The following CNOT2 variants were observed in gnomAD, a reference collection of about 807,000 sequenced individuals.
CNOT2 encodes the protein CCR4-NOT transcription complex subunit 2, also known as CC chemokine receptor 4-negative regulator of transcription 2.
Under a neutral mutation model 72.1 loss-of-function variants are expected in CNOT2, and 7 were observed. That is an observed-to-expected ratio of 0.10 (90% CI 0.06 to 0.18). The LOEUF (loss-of-function observed/expected upper bound fraction) is 0.18, where lower values mean the gene tolerates loss of function less well. Among genes scored for constraint, CNOT2 ranks in the 10% least tolerant of loss-of-function variants. The pLI, the probability that CNOT2 is intolerant of heterozygous loss-of-function variation, is 1.00. For missense variants in CNOT2, 345 were observed against 660.3 expected, an observed-to-expected ratio of 0.52 and a Z score of 5.23; for synonymous variants, 196 against 225.6, an observed-to-expected ratio of 0.87 and a Z score of 1.17.
intron 2 of CNOT2, among the ~76,000 whole-genome samples, chr12:70,304,012 T>G (rs956032155): frequency 3.3e-5 from 5 of 152,228 alleles, no homozygotes; most frequent in African/African-American, 1.2e-4. Context: ...TACTGAGGCT[T>G]GTGCATTCGT....
In CNOT2 at chr12:70,310,952, G is replaced by A; in HGVS notation, c.106G>A (p.Asp36Asn). ...GAAGTTTGTAGAGGGGGTCGACAGT[G>A]ACTACCATGACGAAAACATGTACTA... is the stretch of plus-strand genomic sequence containing the variant. Reference protein sequence around the residue: ...RKKFVEGVDSDYHDENMYYSQ... With the variant: ...RKKFVEGVDSNYHDENMYYSQ... Residue 36 changes from aspartate to asparagine, a missense_variant, in exon 3 of 16, where the codon GAC becomes AAC. Physicochemically the swap from Asp to Asn is conservative, Grantham distance 23. Around this residue, in one of 4 missense-constraint regions of CNOT2, gnomAD observed 157 missense variants for 235.3 expected, o/e 0.67. Coordinates refer to ENST00000229195, the MANE Select transcript of CNOT2 (RefSeq NM_014515.7). 1 of 1,608,518 alleles carries A rather than the reference G, an allele frequency of 6.2e-7. No individual in the cohort carries two copies. The highest frequency in any genetic ancestry group is 8.5e-7 in the Non-Finnish European group (1 of 1,175,366).
At chr12:70,322,546 TAGCAAAATATCTG>T (rs547958154) in intron 4 of CNOT2, 125 of 151,860 alleles carry the variant, frequency 8.2e-4, no homozygotes, top group African/African-American at 2.8e-3. Context: ...GCACCTAGCT[TAGCAAAATATCTG>T]GGTGAATTCA....
intron 13 of CNOT2, 89 bp from the exon 14 acceptor site, chr12:70,344,039 C>G (rs867164005): frequency 1.4e-6 from 1 of 735,316 alleles, no homozygotes; most frequent in Non-Finnish European, 2.2e-6. Context: ...TTCTGTTTAT[C>G]TCTCCATTTT....
chr12:70,303,289 TTGA>T (rs1347207386), intron 2 of CNOT2, among the ~76,000 whole-genome samples: 2 of 152,210 alleles, frequency 1.3e-5, no homozygotes. Context: ...TGCTCGTTAG[TTGA>T]TGCAGTTTCT....
intron 3 of CNOT2, 106 bp downstream of exon 3, chr12:70,311,123 A>G (rs772954450): frequency 2.0e-5 from 15 of 763,884 alleles, no homozygotes; most frequent in East Asian, 5.0e-5. Context: ...TTGAGTGACA[A>G]TCTTTTCAGC....
At chr12:70,267,325 G>A (rs1033470074) in intron 1 of CNOT2, among the ~76,000 whole-genome samples, 7 of 152,102 alleles carry the variant, frequency 4.6e-5, no homozygotes, top group South Asian at 4.1e-4. Context: ...GCCAGCAATC[G>A]TGTTCCTTGG....
At chr12:70,280,311 A>T (rs932753625) in intron 2 of CNOT2, among the ~76,000 whole-genome samples, 2 of 152,170 alleles carry the variant, frequency 1.3e-5, no homozygotes, top group African/African-American at 4.8e-5. Flanking sequence ...AAAAGAGAAA[A>T]GGGACATAGA....
chr12:70,257,611 C>T lies in CNOT2; in HGVS notation c.-96+14131C>T, dbSNP rs534446023. 9.9e-5 allele frequency among the ~76,000 whole-genome samples: 15 copies of T among 152,086 alleles called. No homozygotes were observed. In the South Asian group the frequency reaches 3.1e-3, roughly 32 times the overall value. On this transcript the variant is annotated intron_variant, in intron 1 of 15. Transcript: ENST00000229195. ...CTCGATCTCCTGACCTCGTGAGCCA[C>T]CTGCCTCGGCCTCCCAAAGTGCTGG... is the stretch of plus-strand genomic sequence containing the variant.
rs538385702 is a variant in CNOT2 at position 70,277,212 on chromosome 12, A to G, written c.-95-920A>G. Among the ~76,000 whole-genome samples the G allele has an allele frequency of 1.1e-3, 165 of 152,298 alleles. 2 individuals carry two copies. In the Middle Eastern group the frequency reaches 0.02, roughly 19 times the overall value. The stretch of plus-strand genomic sequence containing the variant: ...TACTTCCTTAGGGAGAATGCTTAAC[A>G]AAACTTAGGTAAGAGATATCTGTCT... On this transcript the variant is annotated intron_variant, in intron 1 of 15. Transcript: ENST00000229195.
At chr12:70,282,182 T>C (rs749655006) in intron 2 of CNOT2, among the ~76,000 whole-genome samples, 9 of 152,130 alleles carry the variant, frequency 5.9e-5, no homozygotes, top group Admixed American at 3.3e-4. Flanking sequence ...AACATACCAG[T>C]GTAAGTGGTA....
intron 3 of CNOT2, among the ~76,000 whole-genome samples, chr12:70,316,270 A>G (rs1251338033): frequency 6.6e-6 from 1 of 152,148 alleles, no homozygotes; most frequent in Non-Finnish European, 1.5e-5. Context: ...ATTTACCTTT[A>G]TATTATTAAC....
intron 2 of CNOT2, among the ~76,000 whole-genome samples, chr12:70,297,004 T>C (rs1419275538): frequency 6.6e-6 from 1 of 152,176 alleles, no homozygotes; most frequent in Non-Finnish European, 1.5e-5. Flanking sequence ...AAAGGGCAAT[T>C]ATAAAAACGC....
intron 2 of CNOT2, among the ~76,000 whole-genome samples, chr12:70,296,744 G>T (rs1872861816): frequency 2.8e-5 from 4 of 142,808 alleles, no homozygotes. Flanking sequence ...GTGCCTTTCT[G>T]TCCTTTATTT....
intron 1 of CNOT2, among the ~76,000 whole-genome samples, chr12:70,254,848 G>A (rs1333344958): frequency 1.3e-5 from 2 of 152,004 alleles, no homozygotes; most frequent in Admixed American, 6.6e-5. Flanking sequence ...AGGCATGGTG[G>A]CACGTGTCTC....
intron 4 of CNOT2, among the ~76,000 whole-genome samples, chr12:70,328,639 T>A: frequency 1.3e-5 from 2 of 151,916 alleles, no homozygotes; most frequent in Middle Eastern, 3.4e-3. Flanking sequence ...TCAGGAAATA[T>A]ACATTTCTAA....
intron 6 of CNOT2, chr12:70,331,766 C>T (rs1370809372): frequency 6.6e-6 from 1 of 151,692 alleles, no homozygotes; most frequent in Non-Finnish European, 1.5e-5. Flanking sequence ...AAAATTGTTT[C>T]ACTATAGGTT....
At chr12:70,299,009 T>C (rs78314575) in intron 2 of CNOT2, among the ~76,000 whole-genome samples, 3,438 of 152,242 alleles carry the variant, frequency 0.023, 83 homozygotes, top group Admixed American at 0.047. Context: ...AGTGTATTAT[T>C]AGTCCGTTCT....
intron 5 of CNOT2, 195 bp downstream of exon 5, chr12:70,329,765 G>A (rs187064158): frequency 9.5e-6 from 5 of 523,700 alleles, no homozygotes; most frequent in Admixed American, 3.3e-5. Flanking sequence ...ACTGCAGCTC[G>A]CATACTGGTT....
At chr12:70,305,676 T>G (rs1433503443) in intron 2 of CNOT2, among the ~76,000 whole-genome samples, 1 of 152,038 alleles carries the variant, frequency 6.6e-6, no homozygotes, top group African/African-American at 2.4e-5. Context: ...AACATAAGAT[T>G]TGTGTTGGGT....
Sources: allele counts gnomAD v4.1 joint callset (sites outside exome capture counted in the v4.1 genomes callset), GRCh38; gene constraint gnomAD v4.1.1; regional missense constraint gnomAD v4.1.1; transcripts MANE v1.5; gene names NCBI Gene and HGNC (gene_info 2026-07-23, HGNC 2026-07-21).